Variants in IQCM observed in about 807,000 individuals in gnomAD.
IQCM encodes the protein IQ domain-containing protein M.
In IQCM, 45 loss-of-function variants were observed where a neutral mutation model predicts 57.6. The ratio of observed to expected loss-of-function variants is 0.78; its 90% CI spans 0.62 to 1.00. The LOEUF is 1.00. Ranked by LOEUF, IQCM falls within the 50% of genes least tolerant of loss-of-function variation. The pLI, the probability that IQCM is intolerant of heterozygous loss-of-function variation, is 0.00. For missense variants in IQCM, 468 were observed against 511.6 expected (o/e 0.91, Z 0.82); for synonymous variants, 148 against 158.9 (o/e 0.93, Z 0.51).
chr4:149,636,425 T>A (rs1200123575), intron 7 of IQCM, among the ~76,000 whole-genome samples: 1 of 152,092 alleles, frequency 6.6e-6, no homozygotes, highest in Non-Finnish European at 1.5e-5. Flanking sequence ...GAAAGACTGG[T>A]GGCAGGAGAG....
At chr4:149,481,066 T>C (rs1330023602) in intron 12 of IQCM, among the ~76,000 whole-genome samples, 1 of 152,192 alleles carries the variant, frequency 6.6e-6, no homozygotes. Flanking sequence ...TTTGGAGAAA[T>C]GGCTATTCAA....
intron 10 of IQCM, among the ~76,000 whole-genome samples, chr4:149,553,635 G>A (rs1749252816): frequency 6.6e-6 from 1 of 152,162 alleles, no homozygotes; most frequent in Non-Finnish European, 1.5e-5. Context: ...TTCTGTAATA[G>A]ATGATTCTTG....
At chr4:149,414,916 C>G (rs1016108955) in intron 13 of IQCM, among the ~76,000 whole-genome samples, 2 of 152,028 alleles carry the variant, frequency 1.3e-5, no homozygotes, top group African/African-American at 4.8e-5. Flanking sequence ...AAAACCCTCT[C>G]TGGCTTGTAG....
intron 2 of IQCM, among the ~76,000 whole-genome samples, chr4:149,812,669 G>T (rs147791967): frequency 0.022 from 3,341 of 152,074 alleles, 66 homozygotes; most frequent in South Asian, 0.036. Flanking sequence ...AATAAATTAG[G>T]TTTGACGTGA....
chr4:149,600,044 G>C (rs1330058537), intron 8 of IQCM, among the ~76,000 whole-genome samples: 1 of 152,094 alleles, frequency 6.6e-6, no homozygotes, highest in Non-Finnish European at 1.5e-5. Context: ...CCCCTGAGTA[G>C]TTAATTTTTA....
intron 12 of IQCM, among the ~76,000 whole-genome samples, chr4:149,478,765 T>C (rs1740477783): frequency 1.3e-5 from 2 of 152,146 alleles, no homozygotes; most frequent in Admixed American, 1.3e-4. Flanking sequence ...TAGGGACTCC[T>C]AGGAAAATAC....
chr4:149,778,365 G>A (rs924738489), intron 2 of IQCM, among the ~76,000 whole-genome samples: 1 of 151,818 alleles, frequency 6.6e-6, no homozygotes, highest in Non-Finnish European at 1.5e-5. Context: ...GACAGAGCAA[G>A]GCTCTGTCTT....
intron 13 of IQCM, among the ~76,000 whole-genome samples, chr4:149,366,490 T>TAGG: frequency 6.6e-6 from 1 of 152,038 alleles, no homozygotes; most frequent in East Asian, 1.9e-4. Flanking sequence ...TATCCTTCAA[T>TAGG]AGGAGGTTCA....
At chr4:149,510,052 T>C (rs1310381766) in intron 12 of IQCM, among the ~76,000 whole-genome samples, 1 of 152,196 alleles carries the variant, frequency 6.6e-6, no homozygotes, top group Non-Finnish European at 1.5e-5. Context: ...TATATTCTAA[T>C]ATATTGCCAA....
intron 12 of IQCM, among the ~76,000 whole-genome samples, chr4:149,481,934 T>A (rs74756870): frequency 2.3e-3 from 1 of 442 alleles, no homozygotes; most frequent in African/African-American, 4.7e-3. Flanking sequence ...TTTGGGGGGG[T>A]TGGTTTTCTT....
At chr4:149,572,305 G>A (rs1751233679) in intron 9 of IQCM, among the ~76,000 whole-genome samples, 1 of 150,958 alleles carries the variant, frequency 6.6e-6, no homozygotes, top group Non-Finnish European at 1.5e-5. Context: ...TTTTATTTTA[G>A]AAACAGAGTC....
intron 13 of IQCM, among the ~76,000 whole-genome samples, chr4:149,404,481 T>G (rs1405438266): frequency 6.6e-6 from 1 of 152,076 alleles, no homozygotes; most frequent in Non-Finnish European, 1.5e-5. Flanking sequence ...GTCTGAATAA[T>G]CTTTACTAAA....
chr4:149,694,353 T>C (rs897265884), intron 5 of IQCM, among the ~76,000 whole-genome samples: 1 of 149,830 alleles, frequency 6.7e-6, no homozygotes, highest in African/African-American at 2.4e-5. Flanking sequence ...GCCTCCCAAG[T>C]AGCTGGGACT....
intron 12 of IQCM, among the ~76,000 whole-genome samples, chr4:149,522,579 G>A (rs780892192): frequency 6.6e-6 from 1 of 152,130 alleles, no homozygotes. Context: ...TAGTAGCCTA[G>A]AAGATACAGA....
At chr4:149,731,851 A>G (rs762130021) in intron 5 of IQCM, among the ~76,000 whole-genome samples, 17 of 150,162 alleles carry the variant, frequency 1.1e-4, no homozygotes, top group Admixed American at 4.7e-4. Flanking sequence ...CCAATAAGGA[A>G]TATAACGTGT....
intron 8 of IQCM, among the ~76,000 whole-genome samples, chr4:149,604,402 T>C (rs1380971542): frequency 6.6e-6 from 1 of 152,168 alleles, no homozygotes; most frequent in African/African-American, 2.4e-5. Flanking sequence ...TTATTGCAGA[T>C]CATTCTAACA....
chr4:149,765,170 G>T (rs1241134576), intron 2 of IQCM, among the ~76,000 whole-genome samples: 1 of 152,056 alleles, frequency 6.6e-6, no homozygotes, highest in Non-Finnish European at 1.5e-5. Flanking sequence ...TGCATCTTAT[G>T]TACTAGCTAA....
At chr4:149,365,783 G>A (rs901746225) in intron 13 of IQCM, among the ~76,000 whole-genome samples, 1 of 152,040 alleles carries the variant, frequency 6.6e-6, no homozygotes, top group Non-Finnish European at 1.5e-5. Context: ...TACCCAATCG[G>A]TAATCCTCAA....
At chr4:149,585,172 CAT>C (rs1197348766) in intron 9 of IQCM, among the ~76,000 whole-genome samples, 3 of 151,648 alleles carry the variant, frequency 2.0e-5, no homozygotes, top group Non-Finnish European at 4.4e-5. Context: ...ATATGTGTGA[CAT>C]ATTTTTACCC....
Sources: allele counts gnomAD v4.1 joint callset (sites outside exome capture counted in the v4.1 genomes callset), GRCh38; gene constraint gnomAD v4.1.1; transcripts MANE v1.5; gene names NCBI Gene and HGNC (gene_info 2026-07-23, HGNC 2026-07-21).